Variants in MAPK10 observed in about 807,000 individuals in gnomAD.
The protein encoded by MAPK10 is JNK3 alpha protein kinase.
Under a neutral mutation model 59.3 loss-of-function variants are expected in MAPK10, and 25 were observed. That is an observed-to-expected ratio of 0.42 (90% confidence interval 0.31 to 0.59). The LOEUF is 0.59. MAPK10 is among the 20% of genes least tolerant of loss of function. MAPK10 has a pLI of 0.15. For missense variants in MAPK10, 351 were observed against 568.9 expected (o/e 0.62, Z 3.90); for synonymous variants, 190 against 200.5 (o/e 0.95, Z 0.44).
At chr4:86,383,741 C>A (rs1333548089) in intron 1 of MAPK10, among the ~76,000 whole-genome samples, 1 of 151,944 alleles carries the variant, frequency 6.6e-6, no homozygotes, top group African/African-American at 2.4e-5. Flanking sequence ...ATCCTTTAAG[C>A]TTACATTTGA....
intron 4 of MAPK10, chr4:86,124,731 G>A (rs2059800132): frequency 6.6e-6 from 1 of 151,968 alleles, no homozygotes; most frequent in Admixed American, 6.6e-5. Context: ...CTTAATTTGT[G>A]AGAACAGTCT....
At chr4:86,098,463 ATG>A in intron 9 of MAPK10, 59 bp downstream of exon 9, 1 of 1,607,464 alleles carries the variant, frequency 6.2e-7, no homozygotes, top group Admixed American at 1.7e-5. Context: ...TAAAATCATT[ATG>A]TGTTTAAAAG....
At chr4:86,428,436 T>C (rs1027901093) in intron 1 of MAPK10, among the ~76,000 whole-genome samples, 1 of 152,104 alleles carries the variant, frequency 6.6e-6, no homozygotes, top group East Asian at 1.9e-4. Context: ...TGGGATTACA[T>C]GCATGAGCCA....
chr4:86,030,517 G>C (rs370403518), intron 12 of MAPK10, among the ~76,000 whole-genome samples: 2 of 151,914 alleles, frequency 1.3e-5, no homozygotes, highest in Admixed American at 6.6e-5. Flanking sequence ...GTTTCTAGCA[G>C]AGACAGGGTC....
chr4:86,340,221 G>A (rs567995197), intron 2 of MAPK10: 2 of 151,830 alleles, frequency 1.3e-5, no homozygotes, highest in East Asian at 1.9e-4. Context: ...GAAAACTGAG[G>A]GACCAGCATT....
intron 1 of MAPK10, among the ~76,000 whole-genome samples, chr4:86,555,975 G>T (rs1242844880): frequency 6.6e-6 from 1 of 152,182 alleles, no homozygotes; most frequent in African/African-American, 2.4e-5. Context: ...CCTCATGAAT[G>T]ACTTTTAGCT....
At chr4:86,098,641 A>C (rs1428079542) in intron 8 of MAPK10, 46 bp from the exon 9 acceptor site, 10 of 1,390,138 alleles carry the variant, frequency 7.2e-6, no homozygotes, top group East Asian at 2.3e-5. Context: ...AGGAAAGTAA[A>C]GTTAACTAAG....
intron 1 of MAPK10, among the ~76,000 whole-genome samples, chr4:86,477,064 T>G (rs1355406691): frequency 6.6e-6 from 1 of 152,314 alleles, no homozygotes; most frequent in East Asian, 1.9e-4. Flanking sequence ...AGCTGAAGAC[T>G]GACACTGCCC....
intron 1 of MAPK10, among the ~76,000 whole-genome samples, chr4:86,493,258 G>T (rs537808523): frequency 6.6e-6 from 1 of 152,126 alleles, no homozygotes; most frequent in African/African-American, 2.4e-5. Context: ...TTTGCGAATC[G>T]TTCATTGCTC....
chr4:86,226,150 A>T (rs1394400677), intron 2 of MAPK10, among the ~76,000 whole-genome samples: 1 of 152,240 alleles, frequency 6.6e-6, no homozygotes, highest in Admixed American at 6.5e-5. Context: ...GGCTTTCAGC[A>T]TCTGCTGACA....
intron 1 of MAPK10, among the ~76,000 whole-genome samples, chr4:86,573,946 G>A (rs1037517652): frequency 1.3e-5 from 2 of 152,102 alleles, no homozygotes; most frequent in African/African-American, 4.8e-5. Context: ...GGGTACATGT[G>A]CACAATGTGC....
intron 1 of MAPK10, among the ~76,000 whole-genome samples, chr4:86,409,554 G>C (rs1385864637): frequency 6.6e-6 from 1 of 152,140 alleles, no homozygotes; most frequent in Admixed American, 6.5e-5. Flanking sequence ...TCTTCCACTT[G>C]TTTGTGTCCT....
chr4:86,100,792 T>C (rs890759376), intron 8 of MAPK10: 2 of 340,192 alleles, frequency 5.9e-6, no homozygotes, highest in Non-Finnish European at 1.1e-5. Flanking sequence ...TCCGCTTGAC[T>C]GTTTAATCAG....
chr4:86,341,622 G>A (rs1460902736), intron 2 of MAPK10, among the ~76,000 whole-genome samples: 1 of 151,984 alleles, frequency 6.6e-6, no homozygotes, highest in East Asian at 1.9e-4. Context: ...AGGAATATAT[G>A]AAAGAGCAAT....
chr4:86,203,950 G>A (rs2083229183), intron 2 of MAPK10, among the ~76,000 whole-genome samples: 1 of 151,784 alleles, frequency 6.6e-6, no homozygotes, highest in Admixed American at 6.6e-5. Context: ...ATCACTTAGA[G>A]CACGAGGCAG....
chr4:86,055,442 T>C (rs756129678), intron 11 of MAPK10, among the ~76,000 whole-genome samples: 1 of 149,850 alleles, frequency 6.7e-6, no homozygotes, highest in Non-Finnish European at 1.5e-5. Context: ...CTGAGAAAAC[T>C]CAATTGATGT....
chr4:86,420,306 T>C (rs1028242189), intron 1 of MAPK10, among the ~76,000 whole-genome samples: 1 of 152,192 alleles, frequency 6.6e-6, no homozygotes, highest in Non-Finnish European at 1.5e-5. Flanking sequence ...TATATCTTAC[T>C]CAGAAATGAA....
chr4:86,267,622 T>A (rs969674737), intron 2 of MAPK10, among the ~76,000 whole-genome samples: 1 of 152,130 alleles, frequency 6.6e-6, no homozygotes, highest in Non-Finnish European at 1.5e-5. Context: ...TCATTTATGT[T>A]GACCTCTTTG....
intron 1 of MAPK10, among the ~76,000 whole-genome samples, chr4:86,496,127 A>T (rs1057480971): frequency 1.3e-5 from 2 of 152,358 alleles, no homozygotes; most frequent in East Asian, 3.9e-4. Context: ...TGCTATAGGG[A>T]CAACAACTTC....
Sources: gnomAD v4.1 joint callset for allele counts (sites outside exome capture counted in the v4.1 genomes callset) on GRCh38, gnomAD v4.1.1 for gene constraint, MANE v1.5 for transcripts, NCBI Gene and HGNC (gene_info 2026-07-23, HGNC 2026-07-21) for gene names.